AIG1: variants seen among roughly 807,000 people sequenced by gnomAD.
AIG1 encodes androgen-induced gene 1 protein.
In AIG1, 23 loss-of-function variants were observed where a neutral mutation model predicts 31.4. The ratio of observed to expected loss-of-function variants is 0.73; its 90% confidence interval spans 0.53 to 1.04. The LOEUF is 1.04. Ranked by LOEUF, AIG1 falls within the 50% of genes least tolerant of loss-of-function variation. AIG1 has a pLI of 0.00. For synonymous variants in AIG1, 100 were observed against 110.5 expected, an observed-to-expected ratio of 0.90 and a Z score of 0.60; for missense variants, 274 against 295.0, an observed-to-expected ratio of 0.93 and a Z score of 0.52.
intron 3 of AIG1, among the ~76,000 whole-genome samples, chr6:143,239,168 C>T (rs1052862310): frequency 1.3e-5 from 2 of 152,154 alleles, no homozygotes; most frequent in Non-Finnish European, 2.9e-5. Context: ...GGCAACACTG[C>T]TTGGAGTGGG....
intron 1 of AIG1, among the ~76,000 whole-genome samples, chr6:143,126,861 A>G (rs577087198): frequency 1.8e-4 from 28 of 152,164 alleles, no homozygotes; most frequent in African/African-American, 6.5e-4. Flanking sequence ...TGTACATATC[A>G]TATATATCAT....
At chr6:143,076,306 A>G (rs1204249341) in intron 1 of AIG1, among the ~76,000 whole-genome samples, 1 of 152,216 alleles carries the variant, frequency 6.6e-6, no homozygotes, top group African/African-American at 2.4e-5. Context: ...ACCCTTTATC[A>G]CTATAAAATG....
chr6:143,061,148 G>GTGTGT, intron 1 of AIG1, 82 bp downstream of exon 1: 1 of 1,452,118 alleles, frequency 6.9e-7, no homozygotes. Context: ...GTGTGTGTGT[G>GTGTGT]GATGCGCGAG....
chr6:143,231,617 A>G (rs1793454550), intron 3 of AIG1, among the ~76,000 whole-genome samples: 1 of 152,370 alleles, frequency 6.6e-6, no homozygotes, highest in Middle Eastern at 3.4e-3. Context: ...AAGTTCAAAG[A>G]AAGTGTGAAG....
intron 3 of AIG1, among the ~76,000 whole-genome samples, chr6:143,238,556 CA>C (rs528503826): frequency 6.1e-4 from 93 of 152,228 alleles, no homozygotes; most frequent in African/African-American, 2.1e-3. Flanking sequence ...AGGGGTTCTG[CA>C]TTCTCTGAGG....
In AIG1 at chr6:143,334,770, A is replaced by C. The variant is rs765723700; in HGVS notation, c.679+1325A>C. On this transcript the variant is annotated intron_variant, in intron 5 of 5. Transcript: ENST00000357847. The surrounding 1 kb of genome is among the most constrained non-coding windows in gnomAD (Gnocchi z 5.1). Reference sequence around the variant, plus strand: ...TATTTAAACTTAAACGAATGTGTCCAATATATGTTATTCAGGAAGTACTTA... The same window carrying C: ...TATTTAAACTTAAACGAATGTGTCCCATATATGTTATTCAGGAAGTACTTA... 3.3e-5 allele frequency among the ~76,000 whole-genome samples: 5 copies of C among 152,172 alleles called. No individual in the cohort carries two copies. Among genetic ancestry groups the C allele is most frequent in the Non-Finnish European group, 7.3e-5 (5 of 68,038 alleles).
intron 3 of AIG1, among the ~76,000 whole-genome samples, chr6:143,169,015 C>A (rs1385146224): frequency 6.6e-6 from 1 of 151,132 alleles, no homozygotes; most frequent in Non-Finnish European, 1.5e-5. Context: ...TATTTATATT[C>A]ATATATTAAA....
intron 1 of AIG1, among the ~76,000 whole-genome samples, chr6:143,113,479 T>G (rs1318810668): frequency 6.6e-6 from 1 of 151,436 alleles, no homozygotes; most frequent in Non-Finnish European, 1.5e-5. Flanking sequence ...GGCATGCGCC[T>G]GTAGTCCCAG....
chr6:143,186,082 CT>C (rs1789235333), intron 3 of AIG1, among the ~76,000 whole-genome samples: 1 of 152,182 alleles, frequency 6.6e-6, no homozygotes, highest in African/African-American at 2.4e-5. Flanking sequence ...TGCCCAAGCG[CT>C]CACAGCCCAT....
chr6:143,226,402 G>A (rs1438987685), intron 3 of AIG1, among the ~76,000 whole-genome samples: 1 of 151,772 alleles, frequency 6.6e-6, no homozygotes, highest in Admixed American at 6.6e-5. Flanking sequence ...ACCGTGCCCA[G>A]CTAATTTTTG....
intron 1 of AIG1, among the ~76,000 whole-genome samples, chr6:143,080,696 G>A (rs564016326): frequency 6.6e-6 from 1 of 152,256 alleles, no homozygotes; most frequent in South Asian, 2.1e-4. Flanking sequence ...GTTGTCGCCT[G>A]AAGAGCAGGC....
In AIG1 at chr6:143,188,674, G is replaced by A. The variant is rs1789501452; in HGVS notation, c.399+23491G>A. On this transcript the variant is annotated intron_variant, in intron 3 of 5. Coordinates refer to ENST00000357847, the MANE Select transcript of AIG1 (RefSeq NM_016108.4). ...TTAACAAATAATAAATAAATAAATA[G>A]GACCATCCAACCCCTCTAGAGCTCT... is the stretch of plus-strand genomic sequence containing the variant. The A allele has an allele frequency of 9.1e-6, 9 of 983,794 alleles. No individual in the cohort carries two copies. In the South Asian group the frequency reaches 3.8e-4, roughly 41 times the overall value. 60.9% of individuals were successfully genotyped at this position (983,794 alleles called of 1,614,324 possible).
At chr6:143,093,488 G>A (rs570030462) in intron 1 of AIG1, among the ~76,000 whole-genome samples, 4 of 152,168 alleles carry the variant, frequency 2.6e-5, no homozygotes, top group Non-Finnish European at 5.9e-5. Context: ...AACTTTCTCC[G>A]TGTCAGCAAT....
At chr6:143,121,812 A>G (rs770562877) in intron 1 of AIG1, among the ~76,000 whole-genome samples, 4 of 152,214 alleles carry the variant, frequency 2.6e-5, no homozygotes, top group Admixed American at 6.5e-5. Flanking sequence ...GAAATTTATA[A>G]ACATCTTTTC....
rs528741685 is a variant in AIG1, at chr6:143,331,690, T to C, written c.516-1592T>C. Among the ~76,000 whole-genome samples, 4 of 151,896 alleles carry C rather than the reference T, an allele frequency of 2.6e-5. No homozygotes were observed. The South Asian group carries it at 8.3e-4, about 32-fold the overall frequency. ...TATGTGTGTGTGTGTGTATCTGTGC[T>C]TTCTACATAAAAAGTGCAAAATTGT... On this transcript the variant is annotated intron_variant, in intron 4 of 5. Coordinates refer to ENST00000357847, the MANE Select transcript of AIG1 (RefSeq NM_016108.4). The surrounding 1 kb of genome is among the most constrained non-coding windows in gnomAD (Gnocchi z 4.1).
chr6:143,128,615 G>C (rs557871556), intron 1 of AIG1, among the ~76,000 whole-genome samples: 1 of 152,156 alleles, frequency 6.6e-6, no homozygotes, highest in East Asian at 1.9e-4. Flanking sequence ...ATACTTCAAG[G>C]TAATCCTGCT....
At chr6:143,313,314 A>G (rs1237864191) in intron 4 of AIG1, among the ~76,000 whole-genome samples, 2 of 152,224 alleles carry the variant, frequency 1.3e-5, no homozygotes. Flanking sequence ...GTGTCCAAAA[A>G]CAGATGAATG....
intron 1 of AIG1, chr6:143,061,496 A>G: frequency 2.9e-6 from 1 of 348,448 alleles, no homozygotes; most frequent in South Asian, 2.2e-5. Flanking sequence ...TTGCAACTGA[A>G]GGAAACTGGG....
intron 1 of AIG1, among the ~76,000 whole-genome samples, chr6:143,127,911 C>G (rs986272906): frequency 2.0e-5 from 3 of 152,262 alleles, no homozygotes; most frequent in African/African-American, 7.2e-5. Flanking sequence ...TGGTCTGGAA[C>G]TCCTGACCTC....
Sources: allele counts gnomAD v4.1 joint callset (sites outside exome capture counted in the v4.1 genomes callset), GRCh38; gene constraint gnomAD v4.1.1; non-coding constraint Gnocchi (gnomAD v3.1); transcripts MANE v1.5; gene names NCBI Gene and HGNC (gene_info 2026-07-23, HGNC 2026-07-21).